Variants in CDC20B observed in about 807,000 individuals in gnomAD.
CDC20B encodes cell division cycle protein 20 homolog B.
Under a neutral mutation model 64.1 loss-of-function variants are expected in CDC20B, and 58 were observed. The observed-to-expected ratio is 0.90, with a 90% confidence interval of 0.73 to 1.13. The LOEUF (loss-of-function observed/expected upper bound fraction) is 1.13. CDC20B is among the 50% of genes most tolerant of loss of function. The pLI, the probability that CDC20B is intolerant of heterozygous loss-of-function variation, is 0.00. For missense variants in CDC20B, 597 were observed against 633.0 expected (o/e 0.94, Z 0.61); for synonymous variants, 243 against 230.6 (o/e 1.05, Z -0.49).
chr5:55,117,145 A>G (rs1033584471), intron 11 of CDC20B, among the ~76,000 whole-genome samples: 1 of 152,332 alleles, frequency 6.6e-6, no homozygotes. Context: ...CTAAAAAGCT[A>G]CCTACTCCTA....
chr5:55,120,629 C>T, intron 9 of CDC20B, 79 bp from the exon 10 acceptor site: 1 of 1,555,946 alleles, frequency 6.4e-7, no homozygotes, highest in Non-Finnish European at 8.8e-7. Context: ...CTTAGGTAAG[C>T]AGCAAGTCCC....
rs1320268694 is a variant in CDC20B at position 55,119,799 on chromosome 5, A to T, written c.1459+2T>A. ...TGGCATTTTACTCACCCATTTGCTT[A>T]CCAAAAAACCCACCTGACCTGGACA... is the stretch of plus-strand genomic sequence containing the variant. On this transcript the variant is annotated splice_donor_variant, in intron 11 of 11. Coordinates refer to ENST00000381375, the MANE Select transcript of CDC20B (RefSeq NM_001170402.1). LOFTEE classifies it high-confidence loss of function. The T allele has an allele frequency of 6.2e-7, 1 of 1,602,856 alleles. No homozygotes were observed. Among genetic ancestry groups the T allele is most frequent in the East Asian group, 2.2e-5 (1 of 44,790 alleles).
At chr5:55,162,153 T>C (rs1580370563) in intron 2 of CDC20B, among the ~76,000 whole-genome samples, 1 of 149,864 alleles carries the variant, frequency 6.7e-6, no homozygotes, top group South Asian at 2.1e-4. Flanking sequence ...CCCAGCACTT[T>C]AGGAGGCCGA....
intron 2 of CDC20B, among the ~76,000 whole-genome samples, chr5:55,162,870 T>C (rs561592697): frequency 1.3e-5 from 2 of 152,294 alleles, no homozygotes; most frequent in African/African-American, 2.4e-5. Context: ...TCCACTTAGA[T>C]AGGAAGGATC....
chr5:55,131,803 G>T (rs1743037956), intron 6 of CDC20B, among the ~76,000 whole-genome samples: 1 of 152,160 alleles, frequency 6.6e-6, no homozygotes, highest in African/African-American at 2.4e-5. Flanking sequence ...GGTGGCTTAT[G>T]CCTGTAATCC....
intron 8 of CDC20B, chr5:55,126,472 A>AAAAAAAAAAAAAAAAC (rs1561287653): frequency 3.5e-5 from 10 of 282,944 alleles, no homozygotes; most frequent in African/African-American, 1.9e-4. Flanking sequence ...ATGTCAAAAA[A>AAAAAAAAAAAAAAAAC]AAAAAAAAAA....
rs1176019666 is a variant in CDC20B, at chr5:55,140,398, T to A, written c.496A>T (p.Lys166Ter). ...ACGTTCTGGGTTACAAAGAGTTGTT[T>A]TAGGCATTTCTGAAAATAAACACAC... Reference protein sequence around the residue: ...SVASKGQKCLKQLFVTQNVVQ... With the variant: ...SVASKGQKCL Residue 166 changes from lysine to a stop codon, truncating the protein, a stop_gained, in exon 5 of 12, where the codon AAA (lysine) becomes TAA (stop). Coordinates refer to ENST00000381375, the MANE Select transcript of CDC20B (RefSeq NM_001170402.1). LOFTEE classifies it high-confidence loss of function. The A allele has an allele frequency of 6.2e-7, 1 of 1,611,412 alleles. No individual in the cohort carries two copies. Among genetic ancestry groups the A allele is most frequent in the South Asian group, 1.1e-5 (1 of 90,524 alleles).
At chr5:55,160,406 A>T in intron 2 of CDC20B, 1 of 1,596,550 alleles carries the variant, frequency 6.3e-7, no homozygotes, top group Non-Finnish European at 8.6e-7. Flanking sequence ...AGTAAGTTGC[A>T]TCATCTGATT....
At chr5:55,117,629 A>T (rs559347097) in intron 11 of CDC20B, among the ~76,000 whole-genome samples, 1 of 152,294 alleles carries the variant, frequency 6.6e-6, no homozygotes, top group East Asian at 1.9e-4. Context: ...CCTCACAACG[A>T]AAGCCATAAA....
At chr5:55,127,417 G>C (rs1301864594) in intron 7 of CDC20B, 66 bp from the exon 8 acceptor site, 1 of 1,249,990 alleles carries the variant, frequency 8.0e-7, no homozygotes, top group African/African-American at 1.5e-5. Flanking sequence ...CTTCTCAAAG[G>C]CCTGAGAGCC....
chr5:55,135,318 C>T (rs1189358542), intron 5 of CDC20B, among the ~76,000 whole-genome samples: 2 of 152,126 alleles, frequency 1.3e-5, no homozygotes, highest in Non-Finnish European at 2.9e-5. Context: ...TACATTATCT[C>T]TGGCTTCATA....
chr5:55,130,604 C>T (rs1743006175), intron 6 of CDC20B, among the ~76,000 whole-genome samples: 1 of 152,168 alleles, frequency 6.6e-6, no homozygotes, highest in African/African-American at 2.4e-5. Context: ...TAACAGAAGT[C>T]TGTGCCAACT....
chr5:55,130,936 G>A (rs1743012791), intron 6 of CDC20B, among the ~76,000 whole-genome samples: 1 of 152,036 alleles, frequency 6.6e-6, no homozygotes, highest in African/African-American at 2.4e-5. Context: ...AGCCTGAGGA[G>A]TAAAGTAAGA....
intron 2 of CDC20B, chr5:55,160,033 G>A (rs1743947425): frequency 3.3e-6 from 2 of 600,194 alleles, no homozygotes; most frequent in Admixed American, 3.1e-5. Context: ...TCATTCAGGA[G>A]TTTCGCTTCA....
Position 55,122,278 on chromosome 5 carries a change from T to A in CDC20B, c.1216-1728A>T, listed in dbSNP as rs935457915. 2.4e-4 allele frequency among the ~76,000 whole-genome samples: 37 copies of A among 152,202 alleles called. 1 individual carries two copies. Among genetic ancestry groups the A allele is most frequent in the Admixed American group, 2.4e-3 (37 of 15,276 alleles). The stretch of plus-strand genomic sequence containing the variant: ...ACAATTTGGAAGTCTTTTCTCTTTT[T>A]TTTTTTTTTAAGACACAGTCTCACT... On this transcript the variant is annotated intron_variant, in intron 9 of 11. Transcript: ENST00000381375.
At chr5:55,164,177 C>G in intron 2 of CDC20B, 1 of 1,586,248 alleles carries the variant, frequency 6.3e-7, no homozygotes, top group Non-Finnish European at 8.6e-7. Flanking sequence ...CATAGCAGCT[C>G]TGGTTAGACA....
At chr5:55,124,778 C>A in intron 9 of CDC20B, 25 bp downstream of exon 9, 1 of 1,591,338 alleles carries the variant, frequency 6.3e-7, no homozygotes, top group South Asian at 1.1e-5. Flanking sequence ...TAACAGGAAA[C>A]CTAGAAATCT....
intron 2 of CDC20B, among the ~76,000 whole-genome samples, chr5:55,162,655 G>A (rs1007317995): frequency 6.6e-6 from 1 of 152,234 alleles, no homozygotes; most frequent in Non-Finnish European, 1.5e-5. Flanking sequence ...GGCAACCACA[G>A]TGAGGTCTTT....
chr5:55,164,984 T>G (rs1744304658), intron 2 of CDC20B: 1 of 152,214 alleles, frequency 6.6e-6, no homozygotes, highest in East Asian at 1.9e-4. Flanking sequence ...TATTACCAAG[T>G]AAGTCAGTCT....
Sources: allele counts gnomAD v4.1 joint callset (sites outside exome capture counted in the v4.1 genomes callset), GRCh38; gene constraint gnomAD v4.1.1; transcripts MANE v1.5; gene names NCBI Gene and HGNC (gene_info 2026-07-23, HGNC 2026-07-21).